The following ABCA8 variants were observed in gnomAD, a reference collection of about 807,000 sequenced individuals.
The protein encoded by ABCA8 is ABC-type organic anion transporter ABCA8.
ABCA8 carries 177 observed loss-of-function variants against 192.3 expected under a neutral mutation model. The observed-to-expected ratio is 0.92, with a 90% CI of 0.81 to 1.04. ABCA8 has a LOEUF of 1.04. ABCA8 is among the 50% of genes least tolerant of loss of function. The probability of loss-of-function intolerance (pLI) is 0.00; values close to 1 mark genes in which losing one functional copy is unlikely to be tolerated. For missense variants in ABCA8, 1,915 were observed against 1,904.8 expected, an observed-to-expected ratio of 1.01 and a Z score of -0.10; for synonymous variants, 642 against 690.2, an observed-to-expected ratio of 0.93 and a Z score of 1.09.
intron 17 of ABCA8, among the ~76,000 whole-genome samples, chr17:68,914,244 A>G (rs921331093): frequency 6.6e-6 from 1 of 152,132 alleles, no homozygotes; most frequent in Non-Finnish European, 1.5e-5. Context: ...CACAACAATG[A>G]TGCCCACTTT....
intron 17 of ABCA8, among the ~76,000 whole-genome samples, chr17:68,915,931 G>GTAC (rs2067347527): frequency 6.6e-6 from 1 of 152,098 alleles, no homozygotes; most frequent in Non-Finnish European, 1.5e-5. Context: ...ACACAATGGA[G>GTAC]TACTATTCAG....
At chr17:68,902,427 G>C (rs907779155) in intron 21 of ABCA8, among the ~76,000 whole-genome samples, 1 of 152,166 alleles carries the variant, frequency 6.6e-6, no homozygotes, top group Non-Finnish European at 1.5e-5. Flanking sequence ...ATTTTAAATG[G>C]ATAAATTGTA....
chr17:68,908,002 T>C (rs1485970460), intron 17 of ABCA8, 123 bp from the exon 18 acceptor site: 2 of 927,602 alleles, frequency 2.2e-6, no homozygotes, highest in East Asian at 6.1e-5. Flanking sequence ...CAGAAATAGG[T>C]CAGACAAACA....
chr17:68,913,075 C>G (rs1233557429), intron 17 of ABCA8, among the ~76,000 whole-genome samples: 1 of 151,736 alleles, frequency 6.6e-6, no homozygotes. Context: ...TAGAATAAAA[C>G]TAGAAATCAA....
At position 68,895,716 on chromosome 17, in the gene ABCA8, A is replaced by G. The variant is rs8077941; in HGVS notation, c.2765-703T>C. On this transcript the variant is annotated intron_variant, in intron 21 of 39. Transcript: ENST00000586539. ...TTCCCCAAGCCCAGTTCAGGGCTAT[A>G]GTATCTTCACGGGAGGGGCTTCCCA... Among the ~76,000 whole-genome samples the G allele has an allele frequency of 3.2e-3, 483 of 152,314 alleles. 4 individuals carry two copies. Among genetic ancestry groups the G allele is most frequent in the African/African-American group, 0.011 (453 of 41,566 alleles).
At position 68,875,645 on chromosome 17, in the gene ABCA8, G is replaced by A. The variant is rs200550454; in HGVS notation, c.4459C>T (p.Arg1487Ter). ...CTCCCAGATACCATGATGGCCACTC[G>A]GTCACACACGGCCTCAGCCTCTGCC... ...YMAEAEAVCD[R>*]VAIMVSGRLR... Residue 1487 changes from arginine (R) to a stop codon, truncating the protein, a stop_gained, in exon 36 of 40, where the codon CGA (arginine) becomes TGA (stop). Coordinates refer to ENST00000586539, the MANE Select transcript of ABCA8 (RefSeq NM_001288985.2). LOFTEE classifies it high-confidence loss of function. 170 of 1,613,988 alleles carry A rather than the reference G, an allele frequency of 1.1e-4. No individual in the cohort carries two copies. Among genetic ancestry groups the A allele is most frequent in the Non-Finnish European group, 1.4e-4 (162 of 1,180,008 alleles).
chr17:68,948,069 A>G (rs2068462917), intron 2 of ABCA8, among the ~76,000 whole-genome samples: 1 of 152,214 alleles, frequency 6.6e-6, no homozygotes, highest in Non-Finnish European at 1.5e-5. Context: ...TGCAAAGGAC[A>G]TGATCTCATT....
intron 32 of ABCA8, chr17:68,879,480 C>G (rs2066280791): frequency 6.6e-6 from 1 of 152,216 alleles, no homozygotes; most frequent in Non-Finnish European, 1.5e-5. Context: ...GCAGCCATCA[C>G]AGCAAAGATG....
chr17:68,880,349 C>G (rs542660694), intron 32 of ABCA8: 1 of 152,346 alleles, frequency 6.6e-6, no homozygotes, highest in Admixed American at 6.5e-5. Context: ...AAGCTCCTCA[C>G]CTCCAGTTAT....
intron 5 of ABCA8, among the ~76,000 whole-genome samples, chr17:68,934,712 A>T (rs528087372): frequency 2.6e-5 from 4 of 152,318 alleles, no homozygotes; most frequent in African/African-American, 7.2e-5. Flanking sequence ...GTTATAAGTT[A>T]TGTGCACTTC....
chr17:68,902,701 C>T lies in ABCA8; in HGVS notation c.2764+12G>A. 6.2e-7 allele frequency: 1 copy of T among 1,605,518 alleles called. No homozygotes were observed. The highest frequency in any genetic ancestry group is 8.5e-7 in the Non-Finnish European group (1 of 1,172,972). On this transcript the variant is annotated intron_variant, in intron 21 of 39. Transcript: ENST00000586539. ...GTAAATGTATTTGGAAATCAAGTAT[C>T]CACCATTTTACCTGTTTTATTGATG... is the stretch of plus-strand genomic sequence containing the variant.
chr17:68,894,137 A>G (rs763356488), intron 23 of ABCA8, 36 bp downstream of exon 23: 2 of 1,601,264 alleles, frequency 1.2e-6, no homozygotes, highest in East Asian at 4.5e-5. Context: ...TTCCTGATAG[A>G]GGAGAGTCAG....
intron 24 of ABCA8, among the ~76,000 whole-genome samples, chr17:68,888,566 T>C (rs117808416): frequency 0.018 from 2,739 of 152,204 alleles, 26 homozygotes; most frequent in South Asian, 0.044. Context: ...AGAGAAGAAT[T>C]GAGGATAATT....
chr17:68,876,479 C>T lies in ABCA8; in HGVS notation c.4351G>A (p.Glu1451Lys), dbSNP rs368828473. The T allele has an allele frequency of 6.8e-6, 11 of 1,613,896 alleles. No homozygotes were observed. The African/African-American group carries it at 8.0e-5, about 12-fold the overall frequency. ...LDEPSTGMDP[E>K]GQQQMWQAIR... ...CCTCACCACATTTGCTGCTGCCCCT[C>T]GGGGTCCATCCCGGTCGACGGCTCA... is the stretch of plus-strand genomic sequence containing the variant. Residue 1451 changes from glutamate to lysine, a missense_variant, in exon 35 of 40, where the codon GAG becomes AAG. Transcript: ENST00000586539.
At chr17:68,877,402 A>G in intron 33 of ABCA8, 117 bp downstream of exon 33, 1 of 873,156 alleles carries the variant, frequency 1.1e-6, no homozygotes. Context: ...AAATCTACCC[A>G]GTGTGACCTG....
chr17:68,894,357 G>A lies in ABCA8; in HGVS notation c.2899-47C>T, dbSNP rs764147450. On this transcript the variant is annotated intron_variant, in intron 22 of 39. Coordinates refer to ENST00000586539, the MANE Select transcript of ABCA8 (RefSeq NM_001288985.2). ...ATAAGTTCTCAAATATCTTCATTTT[G>A]TTCTCTAAAAAAGTCAAAATTTGAC... is the stretch of plus-strand genomic sequence containing the variant. 1.1e-5 allele frequency: 16 copies of A among 1,520,740 alleles called. No homozygotes were observed. In the South Asian group the frequency reaches 1.7e-4, roughly 16 times the overall value. The allele number at this position is 1,520,740 out of a possible 1,614,324, so 94.2% of individuals were successfully genotyped here. A position where few individuals can be genotyped will look rare whatever the true frequency, so the allele number is the denominator to read the frequency against.
At chr17:68,872,706 A>G (rs907079603) in intron 37 of ABCA8, among the ~76,000 whole-genome samples, 2 of 152,162 alleles carry the variant, frequency 1.3e-5, no homozygotes, top group East Asian at 3.9e-4. Flanking sequence ...ATGTGGAGAT[A>G]GAAGACAGTG....
chr17:68,883,316 T>C (rs2066379382), intron 29 of ABCA8, among the ~76,000 whole-genome samples: 1 of 152,226 alleles, frequency 6.6e-6, no homozygotes, highest in Admixed American at 6.5e-5. Flanking sequence ...AAGATGCTTA[T>C]GGTCACTCTT....
intron 1 of ABCA8, among the ~76,000 whole-genome samples, chr17:68,954,187 T>A (rs1403631846): frequency 1.9e-5 from 1 of 53,492 alleles, no homozygotes; most frequent in African/African-American, 7.9e-5. Flanking sequence ...CCCTCCCCCC[T>A]CCCCCCACCC....
Sources: gnomAD v4.1 joint callset for allele counts (sites outside exome capture counted in the v4.1 genomes callset) on GRCh38, gnomAD v4.1.1 for gene constraint, MANE v1.5 for transcripts, NCBI Gene and HGNC (gene_info 2026-07-23, HGNC 2026-07-21) for gene names.